NISCH: variants seen among roughly 807,000 people sequenced by gnomAD.
NISCH encodes the protein nischarin.
NISCH carries 55 observed loss-of-function variants against 138.4 expected under a neutral mutation model. That is an observed-to-expected ratio of 0.40 (90% CI 0.32 to 0.50). NISCH has a LOEUF of 0.50. Ranked by LOEUF, NISCH falls within the 20% of genes least tolerant of loss-of-function variation. The pLI, the probability that NISCH is intolerant of heterozygous loss-of-function variation, is 0.71. For synonymous variants in NISCH, 860 were observed against 861.5 expected (o/e 1.00, Z 0.03); for missense variants, 1,643 against 2,005.5 (o/e 0.82, Z 3.45).
chr3:52,472,234 C>A, intron 5 of NISCH, 69 bp from the exon 6 acceptor site: 2 of 1,413,320 alleles, frequency 1.4e-6, no homozygotes, highest in South Asian at 2.3e-5. Flanking sequence ...TTCAACTTGT[C>A]AGCTGCTGCA....
At chr3:52,465,441 T>A (rs1706754822) in intron 3 of NISCH, among the ~76,000 whole-genome samples, 1 of 152,162 alleles carries the variant, frequency 6.6e-6, no homozygotes, top group South Asian at 2.1e-4. Flanking sequence ...GCAGTGTGGA[T>A]TTTAATAACA....
rs150663893 is a variant in NISCH at position 52,485,786 on chromosome 3, C to T, written c.1662C>T (p.Ser554=). 9 of 1,582,464 alleles carry T rather than the reference C, an allele frequency of 5.7e-6. No individual in the cohort carries two copies. Among genetic ancestry groups the T allele is most frequent in the East Asian group, 2.3e-5 (1 of 43,450 alleles). Residue 554 remains serine (S), a synonymous_variant, in exon 15 of 21, where the codon TCC becomes TCT. Transcript: ENST00000345716. ...GTTTCTTTCTCCATCAGGCAGCTTC[C>T]GATGATTTAAGGGACGTGCCAGGAG... ...LESIPAGQAA[S]DDLRDVPGAV... is the part of the protein sequence containing the mutation.
rs138882217 is a variant in NISCH at position 52,492,402 on chromosome 3, A to G, written c.4435A>G (p.Arg1479Gly). 4.3e-6 allele frequency: 7 copies of G among 1,612,880 alleles called. No individual in the cohort carries two copies. In the African/African-American group the frequency reaches 5.3e-5, roughly 12 times the overall value. Residue 1479 changes from arginine to glycine, a missense_variant, in exon 21 of 21, where the codon AGA becomes GGA. By Grantham distance (125) the Arg-to-Gly change is moderately radical. Transcript: ENST00000345716. ...WQVFVPSAESREKLISLLARQ... is the reference protein window; with the variant it reads ...WQVFVPSAESGEKLISLLARQ... ...GGTGTTTGTCCCCAGTGCTGAGAGC[A>G]GAGAGAAGCTCATCTCGCTGTTGGC...
At position 52,484,462 on chromosome 3, in the gene NISCH, T is replaced by TCACCC; in HGVS notation, c.1529-50_1529-49insACCCC. Reference sequence around the variant, plus strand: ...AGCCCCACTTGTTGAACAGCCGCTCTCCCCGCCCCACCCACCCTGCCTGCC... The same window carrying TCACCC: ...AGCCCCACTTGTTGAACAGCCGCTCTCACCCCCCCGCCCCACCCACCCTGCCTGCC... On this transcript the variant is annotated intron_variant, in intron 13 of 20. Transcript: ENST00000345716. The TCACCC allele has an allele frequency of 5.1e-6, 4 of 788,668 alleles. 1 individual carries two copies. The highest frequency in any genetic ancestry group is 6.8e-5 in the Admixed American group (2 of 29,352). The allele number at this position is 788,668 out of a possible 1,614,324, so 48.9% of individuals were successfully genotyped here. A position where few individuals can be genotyped will look rare whatever the true frequency, so the allele number is the denominator to read the frequency against.
chr3:52,491,245 C>T, intron 19 of NISCH, 107 bp from the exon 20 acceptor site: 1 of 1,472,854 alleles, frequency 6.8e-7, no homozygotes, highest in East Asian at 2.4e-5. Flanking sequence ...CCCTCCTGGC[C>T]CTGGCCTCTG....
In NISCH at chr3:52,480,200, G is replaced by A. The variant is rs763734886; in HGVS notation, c.1433G>A (p.Arg478Gln). Residue 478 changes from arginine to glutamine, a missense_variant, in exon 13 of 21, where the codon CGG becomes CAG. Arg to Gln is a conservative substitution (Grantham distance 43, BLOSUM62 1). Transcript: ENST00000345716. ...CGTCCTCAGGGTGGTGAAGACTCCC[G>A]GCTCTCAGCTGCCCCCTGCATCAGA... is the stretch of plus-strand genomic sequence containing the variant. ...NPEKKGGEDS[R>Q]LSAAPCIRPS... The A allele has an allele frequency of 2.0e-5, 33 of 1,613,722 alleles. No homozygotes were observed. Among genetic ancestry groups the A allele is most frequent in the East Asian group, 4.5e-5 (2 of 44,890 alleles).
Position 52,476,612 on chromosome 3 carries a change from C to T in NISCH, c.918+13C>T. The T allele has an allele frequency of 6.2e-7, 1 of 1,613,724 alleles. No homozygotes were observed. Among genetic ancestry groups the T allele is most frequent in the Non-Finnish European group, 8.5e-7 (1 of 1,179,688 alleles). On this transcript the variant is annotated intron_variant, in intron 8 of 20. Transcript: ENST00000345716. ...CGACGAGTCTGTGGTATGCTCTCAG[C>T]AGCAGGTGCCAGGGGTTTCTCTGGC...
At chr3:52,462,761 G>A (rs928531002) in intron 3 of NISCH, among the ~76,000 whole-genome samples, 4 of 151,794 alleles carry the variant, frequency 2.6e-5, no homozygotes, top group African/African-American at 9.7e-5. Flanking sequence ...TCAGCCTCCC[G>A]AGTAGCTGGG....
At chr3:52,480,111 C>A (rs1450059395) in intron 12 of NISCH, 73 bp from the exon 13 acceptor site, 4 of 1,562,462 alleles carry the variant, frequency 2.6e-6, no homozygotes, top group Non-Finnish European at 3.5e-6. Context: ...TGCGCTCCCT[C>A]CTCACACCCC....
chr3:52,492,213 C>G lies in NISCH; in HGVS notation c.4246C>G (p.Leu1416Val). Reference sequence around the variant, plus strand: ...GGACGATGGCCGCCGCGTCCGGGACCTGGACCGAGTGCTCATGGGCTACCA... The same window carrying G: ...GGACGATGGCCGCCGCGTCCGGGACGTGGACCGAGTGCTCATGGGCTACCA... ...RLDDGRRVRDLDRVLMGYQTY... is the reference protein window; with the variant it reads ...RLDDGRRVRDVDRVLMGYQTY... Residue 1416 changes from leucine (L) to valine (V), a missense_variant, in exon 21 of 21, where the codon CTG (leucine) becomes GTG (valine). Coordinates refer to ENST00000345716, the MANE Select transcript of NISCH (RefSeq NM_007184.4). 6.2e-7 allele frequency: 1 copy of G among 1,613,154 alleles called. No homozygotes were observed. Among genetic ancestry groups the G allele is most frequent in the Non-Finnish European group, 8.5e-7 (1 of 1,180,050 alleles).
In NISCH at chr3:52,465,465, C is replaced by T. The variant is rs539797172; in HGVS notation, c.361-5394C>T. On this transcript the variant is annotated intron_variant, in intron 3 of 20. Transcript: ENST00000345716. ...ATTTTAATAACAAGGAAAGAAAGCACTACTTGTTTACCAGCCCACTTTAGG... is the reference window on the plus strand; with the variant it reads ...ATTTTAATAACAAGGAAAGAAAGCATTACTTGTTTACCAGCCCACTTTAGG... 2.0e-5 allele frequency among the ~76,000 whole-genome samples: 3 copies of T among 152,308 alleles called. No homozygotes were observed. The East Asian group carries it at 5.8e-4, about 29-fold the overall frequency.
Position 52,490,201 on chromosome 3 carries a change from C to T in NISCH, c.3583C>T (p.Leu1195Phe). ...TGTGTACTTTGTGCTCCACGACGGCCTCCGCCGCTACTTCTCAGAGCCACT... is the reference window on the plus strand; with the variant it reads ...TGTGTACTTTGTGCTCCACGACGGCTTCCGCCGCTACTTCTCAGAGCCACT... ...KAVYFVLHDG[L>F]RRYFSEPLQD... Residue 1195 changes from leucine to phenylalanine, a missense_variant, in exon 18 of 21, where the codon CTC becomes TTC. Physicochemically the swap from Leu to Phe is conservative, Grantham distance 22 (BLOSUM62 0). Coordinates refer to ENST00000345716, the MANE Select transcript of NISCH (RefSeq NM_007184.4). 1.9e-6 allele frequency: 3 copies of T among 1,613,114 alleles called. No homozygotes were observed. The highest frequency in any genetic ancestry group is 2.5e-6 in the Non-Finnish European group (3 of 1,180,012).
chr3:52,481,736 G>A, intron 13 of NISCH: 1 of 985,566 alleles, frequency 1.0e-6, no homozygotes, highest in Non-Finnish European at 1.2e-6. Flanking sequence ...TGCAGCTGCA[G>A]GCAGCCCCCC....
intron 3 of NISCH, among the ~76,000 whole-genome samples, chr3:52,464,172 C>T (rs1578278530): frequency 6.6e-6 from 1 of 151,598 alleles, no homozygotes; most frequent in Non-Finnish European, 1.5e-5. Flanking sequence ...CTGAGGTGGG[C>T]GGATCACTTG....
chr3:52,479,907 C>T (rs757422831), intron 12 of NISCH, 45 bp downstream of exon 12: 29 of 1,490,914 alleles, frequency 1.9e-5, no homozygotes, highest in Non-Finnish European at 2.5e-5. Flanking sequence ...CAGAGCCAGC[C>T]GGGATAGGAG....
At chr3:52,488,868 A>C (rs1707485223) in intron 16 of NISCH, among the ~76,000 whole-genome samples, 1 of 152,158 alleles carries the variant, frequency 6.6e-6, no homozygotes, top group South Asian at 2.1e-4. Context: ...CCACCCATGA[A>C]GGGCAGGCCA....
chr3:52,480,053 C>T (rs1707223339), intron 12 of NISCH, 131 bp from the exon 13 acceptor site: 1 of 1,097,626 alleles, frequency 9.1e-7, no homozygotes, highest in East Asian at 2.4e-5. Context: ...AGTTCCTGCT[C>T]TAAGGATATG....
chr3:52,491,835 G>C, intron 20 of NISCH, 37 bp from the exon 21 acceptor site: 1 of 1,534,112 alleles, frequency 6.5e-7, no homozygotes, highest in Non-Finnish European at 8.8e-7. Flanking sequence ...ACCAGGGGCC[G>C]GTTCCAGGCT....
chr3:52,481,514 C>T (rs917422991), intron 13 of NISCH: 9 of 985,346 alleles, frequency 9.1e-6, no homozygotes, highest in Middle Eastern at 5.2e-4. Flanking sequence ...GCTTCCCTGA[C>T]GCTGCCTCCT....
Sources: gnomAD v4.1 joint callset for allele counts (sites outside exome capture counted in the v4.1 genomes callset) on GRCh38, gnomAD v4.1.1 for gene constraint, MANE v1.5 for transcripts, NCBI Gene and HGNC (gene_info 2026-07-23, HGNC 2026-07-21) for gene names.